The following TMEM255B variants were observed in gnomAD, a reference collection of about 807,000 sequenced individuals.
TMEM255B encodes transmembrane protein 255B.
Under a neutral mutation model 34.5 loss-of-function variants are expected in TMEM255B, and 35 were observed. The observed-to-expected ratio is 1.01, with a 90% confidence interval of 0.77 to 1.34. The LOEUF (loss-of-function observed/expected upper bound fraction) is 1.34. Ranked by LOEUF, TMEM255B falls within the 40% of genes most tolerant of loss-of-function variation. TMEM255B has a pLI of 0.00. For synonymous variants in TMEM255B, 206 were observed against 201.2 expected (o/e 1.02, Z -0.20); for missense variants, 432 against 433.2 (o/e 1.00, Z 0.02).
chr13:113,774,589 AACAC>A (rs1396986389), intron 3 of TMEM255B, among the ~76,000 whole-genome samples: 1 of 139,774 alleles, frequency 7.2e-6, no homozygotes, highest in African/African-American at 2.7e-5. Context: ...CACACCACAC[AACAC>A]ACAAATGACA....
intron 2 of TMEM255B, 147 bp downstream of exon 2, chr13:113,766,404 C>T: frequency 9.0e-7 from 1 of 1,106,442 alleles, no homozygotes; most frequent in Non-Finnish European, 1.3e-6. Context: ...TTATGGCCCC[C>T]ACAGACATGC....
chr13:113,768,995 G>A, intron 2 of TMEM255B, 103 bp from the exon 3 acceptor site: 2 of 1,332,132 alleles, frequency 1.5e-6, no homozygotes, highest in South Asian at 2.4e-5. Flanking sequence ...CTTCGTCCCT[G>A]GATAAAATGC....
chr13:113,810,513 G>C (rs1407720026), intron 8 of TMEM255B, among the ~76,000 whole-genome samples: 1 of 152,170 alleles, frequency 6.6e-6, no homozygotes, highest in Non-Finnish European at 1.5e-5. Flanking sequence ...GGAGAATACA[G>C]GTACCTACAT....
chr13:113,811,873 G>T lies in TMEM255B; in HGVS notation c.951G>T (p.Pro317=), dbSNP rs146703259. ...GCTACGCACCCACCTACTTTCCCCC[G>T]GGGGAGAAGCCACCCCCCTACGCAC... ...PPCYAPTYFP[P]GEKPPPYAP Residue 317 remains proline (P), a synonymous_variant, in exon 9 of 9, where the codon CCG becomes CCT. Transcript: ENST00000375353. 3.7e-6 allele frequency: 6 copies of T among 1,613,030 alleles called. No homozygotes were observed. In the Admixed American group the frequency reaches 1.0e-4, roughly 27 times the overall value.
At position 113,774,708 on chromosome 13, in the gene TMEM255B, A is replaced by T. The variant is rs933441826; in HGVS notation, c.252+5548A>T. Among the ~76,000 whole-genome samples, 5 of 140,578 alleles carry T rather than the reference A, an allele frequency of 3.6e-5. No homozygotes were observed. The East Asian group carries it at 6.5e-4, about 18-fold the overall frequency. 92.2% of individuals were successfully genotyped at this position (140,578 alleles called of 152,430 possible). Reference sequence around the variant, plus strand: ...CCACACATGACACACACACCACACAATACACACCACATACACTACACACAC... The same window carrying T: ...CCACACATGACACACACACCACACATTACACACCACATACACTACACACAC... On this transcript the variant is annotated intron_variant, in intron 3 of 8. Transcript: ENST00000375353.
chr13:113,799,852 G>A (rs1257194983), intron 5 of TMEM255B: 15 of 759,698 alleles, frequency 2.0e-5, no homozygotes, highest in East Asian at 1.4e-4. Context: ...ACCCGCGGGC[G>A]GCCGCCGCCT....
intron 8 of TMEM255B, among the ~76,000 whole-genome samples, chr13:113,810,318 A>T (rs1266783371): frequency 6.6e-6 from 1 of 152,158 alleles, no homozygotes; most frequent in Admixed American, 6.5e-5. Context: ...TTAAAATTTG[A>T]TTAGAAGTTC....
chr13:113,772,493 C>T (rs2050494545), intron 3 of TMEM255B, among the ~76,000 whole-genome samples: 1 of 152,156 alleles, frequency 6.6e-6, no homozygotes, highest in African/African-American at 2.4e-5. Flanking sequence ...CTGTGATCCA[C>T]TTTGAGTTAA....
At chr13:113,811,602 G>C in intron 8 of TMEM255B, 134 bp from the exon 9 acceptor site, 1 of 957,354 alleles carries the variant, frequency 1.0e-6, no homozygotes, top group Non-Finnish European at 1.5e-6. Flanking sequence ...GAATGGCCCT[G>C]AGTCTGCGGG....
At chr13:113,800,994 G>A (rs2051047571) in intron 6 of TMEM255B, 82 bp downstream of exon 6, 5 of 1,326,516 alleles carry the variant, frequency 3.8e-6, no homozygotes, top group Non-Finnish European at 3.1e-6. Flanking sequence ...ACCTGCGGGA[G>A]GTGAGGGGCG....
intron 4 of TMEM255B, among the ~76,000 whole-genome samples, chr13:113,798,605 T>A (rs570970340): frequency 6.9e-6 from 1 of 143,932 alleles, no homozygotes; most frequent in Admixed American, 6.9e-5. Flanking sequence ...GATGGATGGA[T>A]GGATGGAAGG....
Position 113,769,011 on chromosome 13 carries a change from A to T in TMEM255B, c.190-87A>T. 1 of 1,472,904 alleles carries T rather than the reference A, an allele frequency of 6.8e-7. No homozygotes were observed. The highest frequency in any genetic ancestry group is 9.5e-7 in the Non-Finnish European group (1 of 1,055,252). 91.2% of individuals were successfully genotyped at this position (1,472,904 alleles called of 1,614,324 possible). A position where few individuals can be genotyped will look rare whatever the true frequency, so the allele number is the denominator to read the frequency against. On this transcript the variant is annotated intron_variant, in intron 2 of 8. Coordinates refer to ENST00000375353, the MANE Select transcript of TMEM255B (RefSeq NM_182614.4). The surrounding 1 kb of genome is among the most constrained non-coding windows in gnomAD (Gnocchi z 4.2). ...TTCGTCCCTGGATAAAATGCCTTTGAGGGCGGGATTATTTGCTTTAAATGT... is the reference window on the plus strand; with the variant it reads ...TTCGTCCCTGGATAAAATGCCTTTGTGGGCGGGATTATTTGCTTTAAATGT...
chr13:113,799,469 C>T (rs573851513), intron 5 of TMEM255B, 50 bp downstream of exon 5: 49 of 1,565,560 alleles, frequency 3.1e-5, no homozygotes, highest in South Asian at 3.0e-4. Flanking sequence ...CTAACCCCGC[C>T]GACCCCACGC....
intron 3 of TMEM255B, among the ~76,000 whole-genome samples, chr13:113,774,670 TATGACACACACACCACAC>T (rs1335233882): frequency 5.1e-5 from 4 of 78,600 alleles, no homozygotes; most frequent in Admixed American, 1.3e-4. Context: ...ACACCACACA[TATGACACACACACCACAC>T]ATGACACACA....
chr13:113,792,945 C>T lies in TMEM255B; in HGVS notation c.253-2203C>T, dbSNP rs528797598. 1.5e-4 allele frequency among the ~76,000 whole-genome samples: 23 copies of T among 152,360 alleles called. No individual in the cohort carries two copies. The East Asian group carries it at 4.3e-3, about 28-fold the overall frequency. On this transcript the variant is annotated intron_variant, in intron 3 of 8. Transcript: ENST00000375353. ...TGTCTGCGCCTGCAGCACCAGGCTG[C>T]GTATCCCGTGGGGACGCTGGAGCGT...
intron 1 of TMEM255B, among the ~76,000 whole-genome samples, chr13:113,765,585 A>G (rs1415901929): frequency 2.0e-5 from 3 of 152,152 alleles, no homozygotes; most frequent in Non-Finnish European, 4.4e-5. Flanking sequence ...TCACACAGGG[A>G]TCAAGATGAT....
intron 3 of TMEM255B, among the ~76,000 whole-genome samples, chr13:113,791,974 A>C (rs1482436205): frequency 2.6e-5 from 4 of 152,150 alleles, no homozygotes; most frequent in African/African-American, 9.7e-5. Context: ...ACCCACGAGA[A>C]GGGTGCACTG....
intron 8 of TMEM255B, among the ~76,000 whole-genome samples, chr13:113,807,035 C>A (rs926215854): frequency 1.3e-5 from 2 of 152,234 alleles, no homozygotes; most frequent in Non-Finnish European, 2.9e-5. Context: ...ACACGTGGTT[C>A]CATCAGCCCC....
intron 7 of TMEM255B, among the ~76,000 whole-genome samples, chr13:113,803,819 G>A (rs1435519319): frequency 6.6e-6 from 1 of 152,240 alleles, no homozygotes; most frequent in Non-Finnish European, 1.5e-5. Context: ...CCGCTGGGCA[G>A]GGGGCTCCCT....
Sources: gnomAD v4.1 joint callset for allele counts (sites outside exome capture counted in the v4.1 genomes callset) on GRCh38, gnomAD v4.1.1 for gene constraint, Gnocchi (gnomAD v3.1) non-coding constraint, MANE v1.5 for transcripts, NCBI Gene and HGNC (gene_info 2026-07-23, HGNC 2026-07-21) for gene names.